Variants in SAMD3 observed in about 807,000 individuals in gnomAD.
SAMD3 encodes sterile alpha motif domain containing 3.
SAMD3 carries 63 observed loss-of-function variants against 58.5 expected under a neutral mutation model. The ratio of observed to expected loss-of-function variants is 1.08; its 90% CI spans 0.88 to 1.33. The LOEUF is 1.33. Ranked by LOEUF, SAMD3 falls within the 40% of genes most tolerant of loss-of-function variation. SAMD3 has a pLI of 0.00. For missense variants in SAMD3, 604 were observed against 608.4 expected, an observed-to-expected ratio of 0.99 and a Z score of 0.08; for synonymous variants, 220 against 210.3, an observed-to-expected ratio of 1.05 and a Z score of -0.40.
intron 8 of SAMD3, among the ~76,000 whole-genome samples, chr6:130,175,602 G>A (rs1342391254): frequency 1.3e-5 from 2 of 151,784 alleles, no homozygotes; most frequent in Non-Finnish European, 2.9e-5. Context: ...TGAAGTTTTT[G>A]AAGGTTGTGA....
intron 1 of SAMD3, among the ~76,000 whole-genome samples, chr6:130,353,307 G>A (rs2115038262): frequency 6.6e-6 from 1 of 152,220 alleles, no homozygotes; most frequent in South Asian, 2.1e-4. Flanking sequence ...CCTCTACTTG[G>A]CCATCAGTTG....
intron 5 of SAMD3, among the ~76,000 whole-genome samples, chr6:130,191,956 G>A (rs942311083): frequency 4.6e-4 from 70 of 152,198 alleles, no homozygotes; most frequent in Admixed American, 3.9e-3. Flanking sequence ...CAGTTTCTTC[G>A]CTTACTTTGT....
At chr6:130,346,093 G>A (rs1035861127) in intron 1 of SAMD3, among the ~76,000 whole-genome samples, 6 of 152,188 alleles carry the variant, frequency 3.9e-5, no homozygotes, top group African/African-American at 1.4e-4. Context: ...TTGGGAGGAG[G>A]AGCCAAGATG....
intron 1 of SAMD3, among the ~76,000 whole-genome samples, chr6:130,327,762 T>C (rs898990153): frequency 2.0e-5 from 3 of 152,344 alleles, no homozygotes; most frequent in Non-Finnish European, 4.4e-5. Context: ...AAATGTAAGA[T>C]ACTTTTTAAC....
At chr6:130,311,208 G>T (rs962268273) in intron 2 of SAMD3, among the ~76,000 whole-genome samples, 1 of 152,168 alleles carries the variant, frequency 6.6e-6, no homozygotes, top group Non-Finnish European at 1.5e-5. Flanking sequence ...TGTGAATATA[G>T]ATTTTATCCA....
intron 4 of SAMD3, among the ~76,000 whole-genome samples, chr6:130,213,796 G>T (rs1045636507): frequency 1.5e-4 from 23 of 152,020 alleles, no homozygotes; most frequent in African/African-American, 5.3e-4. Flanking sequence ...ATTTTTTGGG[G>T]TGTTTCATAG....
chr6:130,155,328 C>T (rs921731281), intron 8 of SAMD3, among the ~76,000 whole-genome samples: 1 of 152,182 alleles, frequency 6.6e-6, no homozygotes, highest in Non-Finnish European at 1.5e-5. Context: ...AAATGTTGCT[C>T]ATTTCTATGC....
chr6:130,246,933 A>T (rs529735663), intron 2 of SAMD3, among the ~76,000 whole-genome samples: 2 of 152,256 alleles, frequency 1.3e-5, no homozygotes, highest in Non-Finnish European at 1.5e-5. Context: ...TGAACATATG[A>T]TTTATTTTCA....
chr6:130,169,427 T>C (rs886256534), intron 8 of SAMD3, among the ~76,000 whole-genome samples: 4 of 152,214 alleles, frequency 2.6e-5, no homozygotes, highest in Non-Finnish European at 5.9e-5. Context: ...ATTTGCACTA[T>C]TTGTAAGGGG....
chr6:130,186,847 T>C (rs1793026667), intron 5 of SAMD3, among the ~76,000 whole-genome samples: 1 of 144,812 alleles, frequency 6.9e-6, no homozygotes. Flanking sequence ...CTCGGCTCAC[T>C]GCAACCTCCG....
At chr6:130,339,950 C>T (rs1404377310) in intron 1 of SAMD3, among the ~76,000 whole-genome samples, 1 of 152,140 alleles carries the variant, frequency 6.6e-6, no homozygotes, top group Non-Finnish European at 1.5e-5. Flanking sequence ...CTATATCCTC[C>T]TAATGTAATC....
At chr6:130,364,059 T>C (rs962612728) in intron 1 of SAMD3, among the ~76,000 whole-genome samples, 20 of 152,188 alleles carry the variant, frequency 1.3e-4, no homozygotes, top group African/African-American at 4.8e-4. Context: ...GAATTGCAAA[T>C]AATCCTCTAT....
chr6:130,355,684 G>T (rs1245753413), intron 1 of SAMD3, among the ~76,000 whole-genome samples: 1 of 152,134 alleles, frequency 6.6e-6, no homozygotes, highest in Non-Finnish European at 1.5e-5. Context: ...GTGCTTCAGT[G>T]GGGTAGTCCC....
intron 2 of SAMD3, among the ~76,000 whole-genome samples, chr6:130,298,907 G>C (rs760737086): frequency 1.2e-4 from 18 of 151,896 alleles, no homozygotes; most frequent in Non-Finnish European, 1.9e-4. Context: ...AATGATAAAG[G>C]GTTCAATTCA....
At chr6:130,175,777 T>C in intron 8 of SAMD3, 64 bp downstream of exon 8, 1 of 1,017,314 alleles carries the variant, frequency 9.8e-7, no homozygotes, top group East Asian at 2.4e-5. Flanking sequence ...TGCTATTATT[T>C]ATTATCCCTT....
At chr6:130,237,304 T>C (rs111713790) in intron 2 of SAMD3, among the ~76,000 whole-genome samples, 29 of 152,304 alleles carry the variant, frequency 1.9e-4, no homozygotes, top group African/African-American at 6.5e-4. Context: ...TTTAGTTGTA[T>C]GCATTACAGC....
chr6:130,202,334 C>CT (rs1461587696), intron 5 of SAMD3, among the ~76,000 whole-genome samples: 3 of 152,292 alleles, frequency 2.0e-5, no homozygotes, highest in African/African-American at 7.2e-5. Context: ...CCCGCTCCTG[C>CT]TTTTTTGCAT....
Position 130,154,934 on chromosome 6 carries a change from AT to A in SAMD3, c.913del (p.Ile305LeufsTer5), listed in dbSNP as rs778795201. 6 of 1,613,216 alleles carry A rather than the reference AT, an allele frequency of 3.7e-6. No homozygotes were observed. In the African/African-American group the frequency reaches 8.0e-5, roughly 22 times the overall value. ...CAAAGTTTGGCTCATTCTCTTGTCA[AT>A]TTCTCTCCAGTCCTTTTCTGTTTTC... is the stretch of plus-strand genomic sequence containing the variant. ...YVKTEKDWREIDKRMSQTLEI... is the reference protein window; with the variant it reads ...YVKTEKDWREXDKRMSQTLEI... On this transcript the variant is annotated frameshift_variant, in exon 9 of 12. Transcript: ENST00000439090. LOFTEE classifies it high-confidence loss of function.
intron 2 of SAMD3, among the ~76,000 whole-genome samples, chr6:130,279,208 TC>T (rs1035738847): frequency 1.3e-5 from 2 of 152,128 alleles, no homozygotes; most frequent in African/African-American, 4.8e-5. Context: ...TTTGGCTGTG[TC>T]CCCCACTAAA....
Sources: gnomAD v4.1 joint callset for allele counts (sites outside exome capture counted in the v4.1 genomes callset) on GRCh38, gnomAD v4.1.1 for gene constraint, MANE v1.5 for transcripts, NCBI Gene and HGNC (gene_info 2026-07-23, HGNC 2026-07-21) for gene names.